Variants in STK40 observed in about 807,000 individuals in gnomAD.
STK40 encodes serine/threonine kinase 40, also known as serine/threonine-protein kinase 40.
Under a neutral mutation model 47.9 loss-of-function variants are expected in STK40, and 13 were observed. The observed-to-expected ratio is 0.27, with a 90% CI of 0.18 to 0.43. The LOEUF (loss-of-function observed/expected upper bound fraction) is 0.43, where lower values mean the gene tolerates loss of function less well. STK40 is among the 20% of genes least tolerant of loss of function. STK40 has a pLI of 1.00. For missense variants in STK40, 460 were observed against 595.1 expected, an observed-to-expected ratio of 0.77 and a Z score of 2.36; for synonymous variants, 225 against 243.2, an observed-to-expected ratio of 0.93 and a Z score of 0.69.
At chr1:36,375,993 G>T (rs1646989274) in intron 1 of STK40, among the ~76,000 whole-genome samples, 1 of 151,678 alleles carries the variant, frequency 6.6e-6, no homozygotes, top group South Asian at 2.1e-4. Context: ...TTGCACTCCA[G>T]CCTGGGCAAC....
chr1:36,348,166 G>C (rs1646720918), intron 7 of STK40, among the ~76,000 whole-genome samples: 1 of 152,252 alleles, frequency 6.6e-6, no homozygotes, highest in Non-Finnish European at 1.5e-5. Context: ...AGCACACTCA[G>C]TTAAGAACTG....
chr1:36,360,818 C>T (rs1244357888), intron 2 of STK40, among the ~76,000 whole-genome samples: 2 of 152,178 alleles, frequency 1.3e-5, no homozygotes, highest in African/African-American at 4.8e-5. Flanking sequence ...GCTGGGATTA[C>T]ATAAGTGAGC....
Position 36,341,795 on chromosome 1 carries a change from AAGG to A in STK40, c.1265_1267del (p.Ser422del). 6.2e-7 allele frequency: 1 copy of A among 1,612,846 alleles called. No individual in the cohort carries two copies. The highest frequency in any genetic ancestry group is 8.5e-7 in the Non-Finnish European group (1 of 1,179,892). ...GCGCTGCGCCAGGATGGCCGTGTCC[AAGG>A]AGGTCATGGGCTGTGCGTCGTGGCC... On this transcript the variant is annotated inframe_deletion, in exon 11 of 11. Coordinates refer to ENST00000373132, the MANE Select transcript of STK40 (RefSeq NM_001282547.2).
intron 1 of STK40, among the ~76,000 whole-genome samples, chr1:36,371,950 T>G (rs1017044126): frequency 1.3e-5 from 2 of 151,210 alleles, no homozygotes; most frequent in African/African-American, 4.9e-5. Context: ...TGAGCCGAGA[T>G]CACGCCACTG....
rs1557500517 is a variant in STK40 at position 36,340,107 on chromosome 1, C to T, written c.*1648G>A. The T allele has an allele frequency of 6.5e-6, 1 of 152,776 alleles. No individual in the cohort carries two copies. Among genetic ancestry groups the T allele is most frequent in the Non-Finnish European group, 1.5e-5 (1 of 68,174 alleles). The allele number at this position is 152,776 out of a possible 1,614,324, so 9.5% of individuals were successfully genotyped here. ...TCCCCCAGCCCCACAGCACAAGACCCTGGCCCTCAGCGCTGGACAGCTGAG... is the reference window on the plus strand; with the variant it reads ...TCCCCCAGCCCCACAGCACAAGACCTTGGCCCTCAGCGCTGGACAGCTGAG... On this transcript the variant is annotated 3_prime_UTR_variant, in exon 11 of 11. Transcript: ENST00000373132.
At chr1:36,349,346 G>A (rs1174240745) in intron 6 of STK40, among the ~76,000 whole-genome samples, 1 of 152,226 alleles carries the variant, frequency 6.6e-6, no homozygotes, top group Admixed American at 6.5e-5. Flanking sequence ...CCACTGCAGA[G>A]GAAGAAACTG....
Position 36,343,455 on chromosome 1 carries a change from G to A in STK40, c.1005-7C>T. 6.2e-7 allele frequency: 1 copy of A among 1,612,028 alleles called. No homozygotes were observed. The highest frequency in any genetic ancestry group is 8.5e-7 in the Non-Finnish European group (1 of 1,178,852). Reference sequence around the variant, plus strand: ...CAGAGATGACAGGGACTGCCTGCAGGGAGGCAGACAGGTCAGGCTGGCCCC... The same window carrying A: ...CAGAGATGACAGGGACTGCCTGCAGAGAGGCAGACAGGTCAGGCTGGCCCC... On this transcript the variant is annotated splice_polypyrimidine_tract_variant and splice_region_variant and intron_variant, in intron 9 of 10. Transcript: ENST00000373132.
At chr1:36,379,890 C>T (rs920315791) in intron 1 of STK40, among the ~76,000 whole-genome samples, 1 of 152,100 alleles carries the variant, frequency 6.6e-6, no homozygotes, top group Non-Finnish European at 1.5e-5. Context: ...GCAGATGATA[C>T]CTAAGGTGGG....
chr1:36,366,966 C>G (rs758279278), intron 1 of STK40, among the ~76,000 whole-genome samples: 2 of 151,776 alleles, frequency 1.3e-5, no homozygotes, highest in African/African-American at 4.8e-5. Flanking sequence ...TCCCAAGTAC[C>G]TGAGATTACA....
intron 1 of STK40, among the ~76,000 whole-genome samples, chr1:36,366,575 C>T (rs1190877678): frequency 2.0e-5 from 3 of 152,158 alleles, no homozygotes; most frequent in East Asian, 3.9e-4. Context: ...GGCTGTGCGT[C>T]CCTCCAGAGA....
Position 36,340,897 on chromosome 1 carries a change from T to C in STK40, c.*858A>G, listed in dbSNP as rs2124720818. ...CTTCGCACTGGGAGTCCACGTGAGC[T>C]CAGTACCACGGGGAAGGATAGAGAA... On this transcript the variant is annotated 3_prime_UTR_variant, in exon 11 of 11. Coordinates refer to ENST00000373132, the MANE Select transcript of STK40 (RefSeq NM_001282547.2). The C allele has an allele frequency of 6.6e-6, 1 of 152,290 alleles. No individual in the cohort carries two copies. The highest frequency in any genetic ancestry group is 2.1e-4 in the South Asian group (1 of 4,832). The allele number at this position is 152,290 out of a possible 1,614,324, so 9.4% of individuals were successfully genotyped here. A position where few individuals can be genotyped will look rare whatever the true frequency, so the allele number is the denominator to read the frequency against.
intron 6 of STK40, among the ~76,000 whole-genome samples, chr1:36,350,891 A>C (rs1028286929): frequency 1.3e-5 from 2 of 152,192 alleles, no homozygotes; most frequent in Admixed American, 6.5e-5. Context: ...CTCCACAGGA[A>C]GTGGCACGGG....
rs554893246 is a variant in STK40, at chr1:36,369,741, C to T, written c.-8-8401G>A. Among the ~76,000 whole-genome samples the T allele has an allele frequency of 2.0e-5, 3 of 152,354 alleles. No individual in the cohort carries two copies. In the South Asian group the frequency reaches 6.2e-4, roughly 32 times the overall value. ...CATTGGTTTATCTGTCTGACTCCCC[C>T]ATCTCAGGCTGTGGGCTCCCTTGAG... On this transcript the variant is annotated intron_variant, in intron 1 of 10. Coordinates refer to ENST00000373132, the MANE Select transcript of STK40 (RefSeq NM_001282547.2).
At chr1:36,360,804 A>G (rs1646845338) in intron 2 of STK40, among the ~76,000 whole-genome samples, 1 of 152,180 alleles carries the variant, frequency 6.6e-6, no homozygotes, top group Non-Finnish European at 1.5e-5. Flanking sequence ...CAGCCTCGAA[A>G]AGTGCTGGGA....
chr1:36,375,955 T>G (rs11587846), intron 1 of STK40, among the ~76,000 whole-genome samples: 28,497 of 151,264 alleles, frequency 0.19, 3,021 homozygotes, highest in Non-Finnish European at 0.25. Flanking sequence ...CCCAGAGGCG[T>G]AGGCTGCAGT....
intron 1 of STK40, among the ~76,000 whole-genome samples, chr1:36,366,800 C>T (rs1646905927): frequency 6.6e-6 from 1 of 151,634 alleles, no homozygotes; most frequent in African/African-American, 2.4e-5. Flanking sequence ...GTCTCCGGAG[C>T]TTTGAATCTG....
chr1:36,382,368 C>T (rs1647047042), intron 1 of STK40, among the ~76,000 whole-genome samples: 1 of 151,842 alleles, frequency 6.6e-6, no homozygotes, highest in South Asian at 2.1e-4. Context: ...TTTGTAGAGA[C>T]GGGTTTCGCC....
chr1:36,342,114 C>A (rs540459230), intron 10 of STK40, 141 bp from the exon 11 acceptor site: 15 of 812,118 alleles, frequency 1.8e-5, no homozygotes, highest in Non-Finnish European at 2.7e-5. Flanking sequence ...GCCTCAAGGC[C>A]GGGGGTGGGA....
intron 1 of STK40, among the ~76,000 whole-genome samples, chr1:36,369,883 G>A (rs1646930687): frequency 6.6e-6 from 1 of 152,266 alleles, no homozygotes; most frequent in Admixed American, 6.5e-5. Flanking sequence ...CATGGTCCCT[G>A]CTGGGGCAGG....
Sources: allele counts gnomAD v4.1 joint callset (sites outside exome capture counted in the v4.1 genomes callset), GRCh38; gene constraint gnomAD v4.1.1; transcripts MANE v1.5; gene names NCBI Gene and HGNC (gene_info 2026-07-23, HGNC 2026-07-21).